NEK7: variants seen among roughly 807,000 people sequenced by gnomAD.
NEK7 encodes the protein NIMA related kinase 7.
In NEK7, 18 loss-of-function variants were observed where a neutral mutation model predicts 44.6. The ratio of observed to expected loss-of-function variants is 0.40; its 90% CI spans 0.28 to 0.60. The LOEUF (loss-of-function observed/expected upper bound fraction) is 0.60. Ranked by LOEUF, NEK7 falls within the 20% of genes least tolerant of loss-of-function variation. The probability of loss-of-function intolerance (pLI) is 0.38; values close to 1 mark genes in which losing one functional copy is unlikely to be tolerated. For missense variants in NEK7, 256 were observed against 366.5 expected (o/e 0.70, Z 2.46); for synonymous variants, 130 against 121.1 (o/e 1.07, Z -0.48).
intron 2 of NEK7, among the ~76,000 whole-genome samples, chr1:198,246,566 A>G (rs1359110712): frequency 1.3e-5 from 2 of 152,284 alleles, no homozygotes; most frequent in Non-Finnish European, 2.9e-5. Context: ...GGCCAAGCAC[A>G]GGGAGGTGCC....
intron 1 of NEK7, among the ~76,000 whole-genome samples, chr1:198,174,581 G>A (rs1238655903): frequency 6.6e-6 from 1 of 152,116 alleles, no homozygotes; most frequent in African/African-American, 2.4e-5. Context: ...AATGCAGTCA[G>A]GGCCTAAGTG....
chr1:198,222,507 C>A (rs996344419), intron 1 of NEK7, among the ~76,000 whole-genome samples: 4 of 152,118 alleles, frequency 2.6e-5, no homozygotes, highest in Non-Finnish European at 1.5e-5. Flanking sequence ...CCCTCTATTA[C>A]CTACTTTTGA....
At chr1:198,240,648 CT>C (rs61213536) in intron 2 of NEK7, among the ~76,000 whole-genome samples, 51,092 of 151,816 alleles carry the variant, frequency 0.34, 9,829 homozygotes, top group East Asian at 0.8. Flanking sequence ...TCTTGGTATT[CT>C]TTTTTTTGAC....
intron 1 of NEK7, among the ~76,000 whole-genome samples, chr1:198,201,322 G>A (rs536042980): frequency 6.6e-6 from 1 of 151,992 alleles, no homozygotes; most frequent in East Asian, 1.9e-4. Flanking sequence ...TCTTAGAATT[G>A]TTTTATTAGT....
chr1:198,320,051 A>G lies in NEK7; in HGVS notation c.*529A>G, dbSNP rs1186003404. The G allele has an allele frequency of 1.3e-5, 2 of 152,232 alleles. No homozygotes were observed. Among genetic ancestry groups the G allele is most frequent in the Non-Finnish European group, 2.9e-5 (2 of 68,036 alleles). The allele number at this position is 152,232 out of a possible 1,614,324, so 9.4% of individuals were successfully genotyped here. ...AATATGATTCTTATGATAAATGTAG[A>G]CACAAACTATTTGAGAAACATTTAG... On this transcript the variant is annotated 3_prime_UTR_variant, in exon 10 of 10. Coordinates refer to ENST00000367385, the MANE Select transcript of NEK7 (RefSeq NM_133494.3).
chr1:198,300,920 T>C (rs923204757), intron 9 of NEK7, among the ~76,000 whole-genome samples: 1 of 152,232 alleles, frequency 6.6e-6, no homozygotes, highest in Non-Finnish European at 1.5e-5. Context: ...TAGGCATCAT[T>C]TTCTCTGTAA....
chr1:198,290,540 G>A (rs1055599614), intron 7 of NEK7, among the ~76,000 whole-genome samples: 8 of 152,078 alleles, frequency 5.3e-5, no homozygotes, highest in Non-Finnish European at 1.0e-4. Flanking sequence ...GTCAGTCAGC[G>A]TGAGTCCTTG....
chr1:198,256,326 A>C, intron 3 of NEK7: 1 of 1,600,250 alleles, frequency 6.2e-7, no homozygotes. Flanking sequence ...ATTTTCCTGC[A>C]GGTTTGCCTG....
intron 2 of NEK7, among the ~76,000 whole-genome samples, chr1:198,233,009 A>C (rs1666443892): frequency 6.6e-6 from 1 of 151,962 alleles, no homozygotes; most frequent in South Asian, 2.1e-4. Flanking sequence ...AAACATGAAA[A>C]CAAAAAGGCA....
intron 1 of NEK7, among the ~76,000 whole-genome samples, chr1:198,165,598 A>G (rs887332257): frequency 2.0e-5 from 3 of 152,212 alleles, no homozygotes; most frequent in East Asian, 3.8e-4. Flanking sequence ...TCAAAAAACC[A>G]TGCTGTAAAC....
intron 1 of NEK7, among the ~76,000 whole-genome samples, chr1:198,200,691 C>T (rs1212661980): frequency 6.6e-6 from 1 of 152,012 alleles, no homozygotes; most frequent in Admixed American, 6.6e-5. Flanking sequence ...GCTGGGACTA[C>T]AGGCATGTGC....
chr1:198,187,510 G>A (rs1229796282), intron 1 of NEK7, among the ~76,000 whole-genome samples: 1 of 152,138 alleles, frequency 6.6e-6, no homozygotes, highest in Non-Finnish European at 1.5e-5. Context: ...ATCTGTTTTG[G>A]AACCTGGAGA....
intron 5 of NEK7, among the ~76,000 whole-genome samples, chr1:198,271,925 A>AT (rs1558088708): frequency 6.6e-5 from 9 of 135,736 alleles, no homozygotes; most frequent in African/African-American, 2.1e-4. Context: ...ATATATATAT[A>AT]CACACACACA....
intron 7 of NEK7, among the ~76,000 whole-genome samples, chr1:198,285,931 G>A (rs540692026): frequency 7.2e-5 from 11 of 152,154 alleles, no homozygotes; most frequent in African/African-American, 2.4e-4. Flanking sequence ...AGAGTGAGCC[G>A]TTAGGAAATT....
intron 3 of NEK7, 68 bp downstream of exon 3, chr1:198,253,248 T>A: frequency 9.4e-7 from 1 of 1,064,724 alleles, no homozygotes; most frequent in Non-Finnish European, 1.4e-6. Flanking sequence ...GAGAAAAGTA[T>A]ATCCTGAATG....
At chr1:198,203,820 C>A (rs181794189) in intron 1 of NEK7, among the ~76,000 whole-genome samples, 1 of 151,830 alleles carries the variant, frequency 6.6e-6, no homozygotes, top group East Asian at 1.9e-4. Context: ...TAGAAAGTGA[C>A]AGAGGTTGAA....
At chr1:198,272,530 T>C (rs561300837) in intron 5 of NEK7, among the ~76,000 whole-genome samples, 4 of 151,998 alleles carry the variant, frequency 2.6e-5, no homozygotes, top group African/African-American at 9.6e-5. Flanking sequence ...TTGTCTAGTA[T>C]AACATAGCAA....
rs1430148987 is a variant in NEK7, at chr1:198,321,249, AG to A, written c.*1730del. ...CTAATCAGTTATGTATGGTTTCTGAAGGGTAATTTTATTTTGGAATAGGTAA... is the reference window on the plus strand; with the variant it reads ...CTAATCAGTTATGTATGGTTTCTGAAGGTAATTTTATTTTGGAATAGGTAA... On this transcript the variant is annotated 3_prime_UTR_variant, in exon 10 of 10. Coordinates refer to ENST00000367385, the MANE Select transcript of NEK7 (RefSeq NM_133494.3). 2.6e-5 allele frequency: 4 copies of A among 152,190 alleles called. No individual in the cohort carries two copies. Among genetic ancestry groups the A allele is most frequent in the Non-Finnish European group, 5.9e-5 (4 of 68,014 alleles). The allele number at this position is 152,190 out of a possible 1,614,324, so 9.4% of individuals were successfully genotyped here.
At chr1:198,220,533 G>GTTAAA (rs1426894631) in intron 1 of NEK7, among the ~76,000 whole-genome samples, 1 of 152,058 alleles carries the variant, frequency 6.6e-6, no homozygotes, top group Non-Finnish European at 1.5e-5. Flanking sequence ...ACACAGAAAT[G>GTTAAA]TTAAGAATGA....
Sources: gnomAD v4.1 joint callset for allele counts (sites outside exome capture counted in the v4.1 genomes callset) on GRCh38, gnomAD v4.1.1 for gene constraint, MANE v1.5 for transcripts, NCBI Gene and HGNC (gene_info 2026-07-23, HGNC 2026-07-21) for gene names.